SND1: variants seen among roughly 807,000 people sequenced by gnomAD.
The protein encoded by SND1 is staphylococcal nuclease and tudor domain containing 1.
SND1 carries 38 observed loss-of-function variants against 121.7 expected under a neutral mutation model. That is an observed-to-expected ratio of 0.31 (90% CI 0.24 to 0.41). The LOEUF (loss-of-function observed/expected upper bound fraction) is 0.41. Among genes scored for constraint, SND1 ranks in the 10% least tolerant of loss-of-function variants. The probability of loss-of-function intolerance (pLI) is 1.00; values close to 1 mark genes in which losing one functional copy is unlikely to be tolerated. For synonymous variants in SND1, 401 were observed against 447.4 expected, an observed-to-expected ratio of 0.90 and a Z score of 1.31; for missense variants, 868 against 1,184.6, an observed-to-expected ratio of 0.73 and a Z score of 3.92.
intron 8 of SND1, among the ~76,000 whole-genome samples, chr7:127,706,023 CAT>C (rs1462719596): frequency 2.0e-5 from 3 of 152,162 alleles, no homozygotes; most frequent in South Asian, 2.1e-4. Context: ...GCACATCTGA[CAT>C]GTGTATTGTC....
intron 8 of SND1, among the ~76,000 whole-genome samples, chr7:127,707,189 G>A (rs927698138): frequency 6.6e-6 from 1 of 152,172 alleles, no homozygotes; most frequent in South Asian, 2.1e-4. Context: ...AATTCAGATA[G>A]AAATTGAGCA....
chr7:127,739,314 C>T (rs763515340), intron 10 of SND1, among the ~76,000 whole-genome samples: 3 of 152,126 alleles, frequency 2.0e-5, no homozygotes, highest in African/African-American at 4.8e-5. Context: ...AAATGTTAGG[C>T]GCTCTTTCTA....
At chr7:127,975,384 CGTGT>C (rs10607765) in intron 15 of SND1, among the ~76,000 whole-genome samples, 76 of 148,152 alleles carry the variant, frequency 5.1e-4, no homozygotes, top group East Asian at 8.0e-4. Context: ...TGACTCCCCT[CGTGT>C]GTGTGTGTGT....
chr7:127,831,587 C>T (rs6969353), intron 11 of SND1, among the ~76,000 whole-genome samples: 31,639 of 152,092 alleles, frequency 0.21, 3,911 homozygotes, highest in African/African-American at 0.35. Flanking sequence ...TCATGTCCTT[C>T]TAACAGTGTT....
At position 127,744,114 on chromosome 7, in the gene SND1, C is replaced by T. The variant is rs116958960; in HGVS notation, c.1152+22714C>T. ...TGATTAAGTTGTAAGTTTAGTCAAA[C>T]ATCTGTTTATTTAGCAAAGCGATCA... On this transcript the variant is annotated intron_variant, in intron 10 of 23. Coordinates refer to ENST00000354725, the MANE Select transcript of SND1 (RefSeq NM_014390.4). Among the ~76,000 whole-genome samples the T allele has an allele frequency of 3.5e-4, 53 of 152,236 alleles. 1 individual carries two copies. The East Asian group carries it at 8.9e-3, about 25-fold the overall frequency.
intron 9 of SND1, among the ~76,000 whole-genome samples, chr7:127,708,889 C>T (rs149962956): frequency 9.8e-4 from 150 of 152,288 alleles, no homozygotes; most frequent in African/African-American, 3.3e-3. Context: ...GTCAACTAAC[C>T]ATGAGTTTAG....
chr7:127,910,769 C>G (rs980023978), intron 14 of SND1, among the ~76,000 whole-genome samples: 1 of 152,154 alleles, frequency 6.6e-6, no homozygotes, highest in Admixed American at 6.5e-5. Flanking sequence ...ACATCATGTT[C>G]TCACGTCTCT....
intron 12 of SND1, chr7:127,858,356 G>A: frequency 7.4e-7 from 1 of 1,353,630 alleles, no homozygotes. Context: ...ATGCCTCAGT[G>A]CCCTAGCCAC....
At chr7:127,873,418 C>T (rs1799633345) in intron 12 of SND1, among the ~76,000 whole-genome samples, 1 of 152,222 alleles carries the variant, frequency 6.6e-6, no homozygotes, top group East Asian at 1.9e-4. Flanking sequence ...TTTGCCCAAC[C>T]ACCCACCTTA....
intron 17 of SND1, among the ~76,000 whole-genome samples, chr7:128,077,046 C>T (rs1398941195): frequency 2.6e-5 from 4 of 152,198 alleles, no homozygotes; most frequent in Non-Finnish European, 5.9e-5. Flanking sequence ...GCCTGTCCCC[C>T]CTCCTTAACC....
At chr7:127,766,577 C>T (rs1279393764) in intron 10 of SND1, among the ~76,000 whole-genome samples, 1 of 151,790 alleles carries the variant, frequency 6.6e-6, no homozygotes. Flanking sequence ...AGATCAAGAC[C>T]ATCCTGGCCA....
chr7:127,790,709 A>G (rs1444722261), intron 10 of SND1, among the ~76,000 whole-genome samples: 2 of 152,204 alleles, frequency 1.3e-5, no homozygotes, highest in Non-Finnish European at 2.9e-5. Flanking sequence ...ACAGATGCAT[A>G]ATACTGAGTT....
chr7:128,021,562 G>C (rs188320437), intron 16 of SND1, among the ~76,000 whole-genome samples: 1 of 152,284 alleles, frequency 6.6e-6, no homozygotes, highest in East Asian at 1.9e-4. Context: ...CTTTGCACAG[G>C]GAACACTTAG....
At chr7:127,751,797 CAGCACCCTCTG>C (rs1797101683) in intron 10 of SND1, among the ~76,000 whole-genome samples, 1 of 152,230 alleles carries the variant, frequency 6.6e-6, no homozygotes. Context: ...CCTGGTTACT[CAGCACCCTCTG>C]GACACTGGCC....
At chr7:127,943,698 G>A (rs965901672) in intron 15 of SND1, among the ~76,000 whole-genome samples, 2 of 152,128 alleles carry the variant, frequency 1.3e-5, no homozygotes, top group Admixed American at 6.5e-5. Flanking sequence ...GCCATTGGCT[G>A]GCATTACCTG....
intron 14 of SND1, among the ~76,000 whole-genome samples, chr7:127,922,194 T>TTTTTTTGTTTTTTTTTTG (rs1563059001): frequency 1.6e-5 from 1 of 63,594 alleles, no homozygotes; most frequent in African/African-American, 4.7e-5. Context: ...TTTTTTTTTT[T>TTTTTTTGTTTTTTTTTTG]TTTTTTTTTG....
intron 6 of SND1, 130 bp from the exon 7 acceptor site, chr7:127,703,031 TAGAA>T: frequency 1.1e-6 from 1 of 902,660 alleles, no homozygotes; most frequent in Non-Finnish European, 1.7e-6. Context: ...TGTTTTAAAT[TAGAA>T]GGACTGATTT....
At position 127,892,920 on chromosome 7, in the gene SND1, T is replaced by G. The variant is rs1800036834; in HGVS notation, c.1454+4908T>G. Among the ~76,000 whole-genome samples, 3 of 152,164 alleles carry G rather than the reference T, an allele frequency of 2.0e-5. No homozygotes were observed. The South Asian group carries it at 6.2e-4, about 32-fold the overall frequency. ...AGGGAGTGTGAAACATTATTTCTGTTCTGCATGTTCCTGTTTGATTCCCAT... is the reference window on the plus strand; with the variant it reads ...AGGGAGTGTGAAACATTATTTCTGTGCTGCATGTTCCTGTTTGATTCCCAT... On this transcript the variant is annotated intron_variant, in intron 13 of 23. Coordinates refer to ENST00000354725, the MANE Select transcript of SND1 (RefSeq NM_014390.4).
chr7:127,660,825 A>C (rs1046219900), intron 1 of SND1, among the ~76,000 whole-genome samples: 9 of 152,128 alleles, frequency 5.9e-5, no homozygotes, highest in Non-Finnish European at 1.3e-4. Flanking sequence ...ATTCAGAGTG[A>C]GAGAAAGGAG....
Sources: gnomAD v4.1 joint callset for allele counts (sites outside exome capture counted in the v4.1 genomes callset) on GRCh38, gnomAD v4.1.1 for gene constraint, MANE v1.5 for transcripts, NCBI Gene and HGNC (gene_info 2026-07-23, HGNC 2026-07-21) for gene names.